The following RBFOX3 variants were observed in gnomAD, a reference collection of about 807,000 sequenced individuals.
RBFOX3 encodes RNA binding fox-1 homolog 3.
A neutral mutation model predicts 48.7 loss-of-function variants in RBFOX3; 17 were observed. The ratio of observed to expected loss-of-function variants is 0.35; its 90% CI spans 0.24 to 0.52. The LOEUF (loss-of-function observed/expected upper bound fraction) is 0.52, where lower values mean the gene tolerates loss of function less well. Among genes scored for constraint, RBFOX3 ranks in the 20% least tolerant of loss-of-function variants. The pLI, the probability that RBFOX3 is intolerant of heterozygous loss-of-function variation, is 0.94. For synonymous variants in RBFOX3, 212 were observed against 209.5 expected, an observed-to-expected ratio of 1.01 and a Z score of -0.10; for missense variants, 382 against 497.5, an observed-to-expected ratio of 0.77 and a Z score of 2.21.
chr17:79,505,809 A>G (rs1475752879), intron 1 of RBFOX3, among the ~76,000 whole-genome samples: 4 of 152,222 alleles, frequency 2.6e-5, no homozygotes, highest in African/African-American at 9.6e-5. Flanking sequence ...TATCGCTGCT[A>G]TTAAGTGCTT....
chr17:79,611,857 G>A (rs2093972225), upstream of RBFOX3, among the ~76,000 whole-genome samples: 1 of 152,194 alleles, frequency 6.6e-6, no homozygotes, highest in African/African-American at 2.4e-5. Context: ...CCTGTGCCTG[G>A]CTGGAGAGGA....
Position 79,205,838 on chromosome 17 carries a change from CTTTT to C in RBFOX3, c.-34+29924_-34+29927del, listed in dbSNP as rs11285839. Among the ~76,000 whole-genome samples the C allele has an allele frequency of 1.4e-5, 2 of 146,422 alleles. No homozygotes were observed. Among genetic ancestry groups the C allele is most frequent in the East Asian group, 2.0e-4 (1 of 5,040 alleles). On this transcript the variant is annotated intron_variant, in intron 4 of 14. Coordinates refer to ENST00000693108, the MANE Select transcript of RBFOX3 (RefSeq NM_001350451.2). The surrounding 1 kb of genome is among the most constrained non-coding windows in gnomAD (Gnocchi z 4.5). Reference sequence around the variant, plus strand: ...TCCATAAAGAGTCAAAAGCAGTTGGCTTTTTTTTTTTTTTTCCTTAAAGTAGTTT... The same window carrying C: ...TCCATAAAGAGTCAAAAGCAGTTGGCTTTTTTTTTTTCCTTAAAGTAGTTT...
At position 79,102,933 on chromosome 17, in the gene RBFOX3, G is replaced by T. The variant is rs532213069; in HGVS notation, c.507+229C>A. ...CAGCGCCTCTCCTAGGAAAAGGAGG[G>T]AAGAGGCAGGGGAGAGGGGACCTCG... On this transcript the variant is annotated intron_variant, in intron 8 of 14. Coordinates refer to ENST00000693108, the MANE Select transcript of RBFOX3 (RefSeq NM_001350451.2). Among the ~76,000 whole-genome samples the T allele has an allele frequency of 7.2e-5, 11 of 152,338 alleles. No individual in the cohort carries two copies. The South Asian group carries it at 2.3e-3, about 32-fold the overall frequency.
In RBFOX3 at chr17:79,204,728, G is replaced by A. The variant is rs899539058; in HGVS notation, c.-34+31038C>T. On this transcript the variant is annotated intron_variant, in intron 4 of 14. Transcript: ENST00000693108. This position sits in a 1 kb window ranked among gnomAD's most constrained non-coding sequence, Gnocchi z 4.5. ...GTGCCTTCACTTAGGGTTGCCATTA[G>A]GAGATGCTGCCACTAACTGGGCTCC... 6.6e-6 allele frequency among the ~76,000 whole-genome samples: 1 copy of A among 152,150 alleles called. No individual in the cohort carries two copies. Among genetic ancestry groups the A allele is most frequent in the African/African-American group, 2.4e-5 (1 of 41,422 alleles).
intron 2 of RBFOX3, among the ~76,000 whole-genome samples, chr17:79,410,868 C>T (rs2064218728): frequency 6.6e-6 from 1 of 152,168 alleles, no homozygotes; most frequent in Admixed American, 6.5e-5. Flanking sequence ...CCCGCCATAC[C>T]AGCTGCTCAC....
chr17:79,563,221 GAAA>G (rs1246336700), intron 1 of RBFOX3, among the ~76,000 whole-genome samples: 2 of 147,504 alleles, frequency 1.4e-5, no homozygotes, highest in South Asian at 2.2e-4. Flanking sequence ...ACGGGTCTTT[GAAA>G]AAAAAAAAAC....
chr17:79,437,501 G>C (rs1262641250), intron 2 of RBFOX3, among the ~76,000 whole-genome samples: 12 of 152,348 alleles, frequency 7.9e-5, no homozygotes, highest in African/African-American at 2.9e-4. Flanking sequence ...TGAGGTCCTG[G>C]AGGGCTGCTG....
intron 4 of RBFOX3, among the ~76,000 whole-genome samples, chr17:79,127,458 G>A (rs1056339573): frequency 6.6e-6 from 1 of 152,262 alleles, no homozygotes. Flanking sequence ...TCTAGACAAT[G>A]CATTTGCTTC....
intron 4 of RBFOX3, among the ~76,000 whole-genome samples, chr17:79,193,437 C>T (rs371023052): frequency 2.0e-5 from 3 of 152,108 alleles, no homozygotes; most frequent in East Asian, 3.9e-4. Context: ...AAGCCCCATA[C>T]TCACCTCCCC....
rs113557286 is a variant in RBFOX3, at chr17:79,166,496, C to T, written c.-33-50748G>A. 4.9e-3 allele frequency among the ~76,000 whole-genome samples: 749 copies of T among 151,990 alleles called. 3 individuals are homozygous for T. Among genetic ancestry groups the T allele is most frequent in the African/African-American group, 0.017 (707 of 41,436 alleles). ...TGAAGGGGAGTCCAAGAGCCACCCACGGGGAGCTGAGATGGGGGAAGGGAA... is the reference window on the plus strand; with the variant it reads ...TGAAGGGGAGTCCAAGAGCCACCCATGGGGAGCTGAGATGGGGGAAGGGAA... On this transcript the variant is annotated intron_variant, in intron 4 of 14. Transcript: ENST00000693108.
chr17:79,661,228 T>C, the RBFOX3 span, among the ~76,000 whole-genome samples: 1 of 152,146 alleles, frequency 6.6e-6, no homozygotes, highest in South Asian at 2.1e-4. Context: ...AGCACACATC[T>C]ACCTATGTAA....
At chr17:79,529,844 G>C (rs909987435) in intron 1 of RBFOX3, among the ~76,000 whole-genome samples, 2 of 152,204 alleles carry the variant, frequency 1.3e-5, no homozygotes. Context: ...AGCTCCCCCA[G>C]TTCCCCCAGC....
At chr17:79,167,257 G>A (rs944255282) in intron 4 of RBFOX3, among the ~76,000 whole-genome samples, 5 of 152,092 alleles carry the variant, frequency 3.3e-5, no homozygotes, top group African/African-American at 4.8e-5. Flanking sequence ...GCCAGGCTCG[G>A]GGAGTGCTAG....
At chr17:79,268,709 G>A (rs995248705) in intron 3 of RBFOX3, among the ~76,000 whole-genome samples, 4 of 151,916 alleles carry the variant, frequency 2.6e-5, no homozygotes, top group African/African-American at 7.3e-5. Context: ...CATCCCTCCC[G>A]CTCCCTGACT....
intron 4 of RBFOX3, among the ~76,000 whole-genome samples, chr17:79,139,665 C>CA (rs1254856118): frequency 6.6e-6 from 1 of 152,146 alleles, no homozygotes; most frequent in African/African-American, 2.4e-5. Flanking sequence ...AGTGGGGGAC[C>CA]AATGGGACAA....
intron 4 of RBFOX3, among the ~76,000 whole-genome samples, chr17:79,182,832 C>G (rs1281612976): frequency 2.6e-5 from 4 of 151,550 alleles, no homozygotes; most frequent in Non-Finnish European, 5.9e-5. Context: ...CCCCCGCCGC[C>G]ACCTCTGCGC....
intron 2 of RBFOX3, among the ~76,000 whole-genome samples, chr17:79,422,668 C>T (rs560186111): frequency 6.0e-5 from 9 of 148,964 alleles, no homozygotes; most frequent in East Asian, 4.1e-4. Flanking sequence ...TCTGCCTGGG[C>T]GCAGTGGCGG....
At chr17:79,497,080 T>A (rs2081642892) in intron 1 of RBFOX3, among the ~76,000 whole-genome samples, 1 of 152,082 alleles carries the variant, frequency 6.6e-6, no homozygotes, top group Non-Finnish European at 1.5e-5. Flanking sequence ...AGAGCCCTCC[T>A]AAGGTGGAAG....
At chr17:79,463,658 G>GCCACCT (rs1446410539) in intron 2 of RBFOX3, among the ~76,000 whole-genome samples, 1 of 124,642 alleles carries the variant, frequency 8.0e-6, no homozygotes, top group Non-Finnish European at 1.7e-5. Context: ...CACCACCATC[G>GCCACCT]CCACCGCCAC....
Sources: allele counts gnomAD v4.1 joint callset (sites outside exome capture counted in the v4.1 genomes callset), GRCh38; gene constraint gnomAD v4.1.1; non-coding constraint Gnocchi (gnomAD v3.1); transcripts MANE v1.5; gene names NCBI Gene and HGNC (gene_info 2026-07-23, HGNC 2026-07-21).